CDH12: variants seen among roughly 807,000 people sequenced by gnomAD.
CDH12 encodes cadherin 12, also known as cadherin-12.
A neutral mutation model predicts 74.1 loss-of-function variants in CDH12; 41 were observed. The observed-to-expected ratio is 0.55, with a 90% CI of 0.43 to 0.72. CDH12 has a LOEUF of 0.72. Ranked by LOEUF, CDH12 falls within the 30% of genes least tolerant of loss-of-function variation. The pLI, the probability that CDH12 is intolerant of heterozygous loss-of-function variation, is 0.00. For missense variants in CDH12, 945 were observed against 977.2 expected, an observed-to-expected ratio of 0.97 and a Z score of 0.44; for synonymous variants, 399 against 355.0, an observed-to-expected ratio of 1.12 and a Z score of -1.39.
At chr5:22,641,141 G>A (rs1193867703) in intron 1 of CDH12, among the ~76,000 whole-genome samples, 1 of 152,156 alleles carries the variant, frequency 6.6e-6, no homozygotes, top group Non-Finnish European at 1.5e-5. Context: ...TATGGAGGCT[G>A]AGAAGTCCTA....
chr5:21,887,419 C>A (rs1482234680), intron 6 of CDH12, among the ~76,000 whole-genome samples: 1 of 152,092 alleles, frequency 6.6e-6, no homozygotes, highest in Non-Finnish European at 1.5e-5. Flanking sequence ...TTAATTCTGT[C>A]TCCAAATGAA....
intron 13 of CDH12, among the ~76,000 whole-genome samples, chr5:21,756,816 T>C (rs150269331): frequency 6.6e-5 from 10 of 152,302 alleles, no homozygotes; most frequent in Admixed American, 2.6e-4. Flanking sequence ...CACAAATATG[T>C]TACTATTTCA....
intron 1 of CDH12, among the ~76,000 whole-genome samples, chr5:22,815,177 T>C (rs1267369287): frequency 6.6e-6 from 1 of 152,084 alleles, no homozygotes; most frequent in Non-Finnish European, 1.5e-5. Context: ...GGGGACAAGA[T>C]GTAACTCACC....
chr5:22,482,802 C>T (rs1746435247), intron 2 of CDH12, among the ~76,000 whole-genome samples: 1 of 152,096 alleles, frequency 6.6e-6, no homozygotes, highest in Non-Finnish European at 1.5e-5. Flanking sequence ...ATGATTGTGT[C>T]GGGGATTTTC....
intron 1 of CDH12, among the ~76,000 whole-genome samples, chr5:22,637,093 T>G (rs185225571): frequency 1.3e-5 from 2 of 152,362 alleles, no homozygotes; most frequent in Non-Finnish European, 2.9e-5. Context: ...AATGCTACTC[T>G]GACAGGCAGA....
At chr5:22,626,425 A>G (rs534941899) in intron 1 of CDH12, among the ~76,000 whole-genome samples, 2 of 152,266 alleles carry the variant, frequency 1.3e-5, no homozygotes, top group Admixed American at 1.3e-4. Flanking sequence ...TAGGGAATAA[A>G]GCTGGGGCCT....
At chr5:22,794,420 T>A (rs1487066935) in intron 1 of CDH12, among the ~76,000 whole-genome samples, 1 of 152,196 alleles carries the variant, frequency 6.6e-6, no homozygotes, top group Non-Finnish European at 1.5e-5. Context: ...GTGCTTTGTG[T>A]CATGTGACCT....
intron 5 of CDH12, among the ~76,000 whole-genome samples, chr5:22,013,166 G>A (rs1369429200): frequency 6.6e-6 from 1 of 152,144 alleles, no homozygotes; most frequent in Non-Finnish European, 1.5e-5. Context: ...ACGCATGGCT[G>A]GGGAGACCTC....
intron 3 of CDH12, among the ~76,000 whole-genome samples, chr5:22,395,200 A>G (rs1742405065): frequency 1.3e-5 from 2 of 152,298 alleles, no homozygotes; most frequent in Admixed American, 1.3e-4. Context: ...TCTTTGAGTC[A>G]GACAAAAGAG....
intron 1 of CDH12, among the ~76,000 whole-genome samples, chr5:22,655,219 A>T (rs1189168046): frequency 6.6e-6 from 1 of 152,154 alleles, no homozygotes; most frequent in Non-Finnish European, 1.5e-5. Context: ...GGACTGACTC[A>T]ATATTATCTC....
In CDH12 at chr5:21,767,582, C is replaced by T. The variant is rs191267620; in HGVS notation, c.1394-2483G>A. On this transcript the variant is annotated intron_variant, in intron 11 of 14. Coordinates refer to ENST00000382254, the MANE Select transcript of CDH12 (RefSeq NM_004061.5). ...ATATCCTACAGATATTTAGAAATAT[C>T]TAATTTAGAAATATCTAAATTTCCT... is the stretch of plus-strand genomic sequence containing the variant. Among the ~76,000 whole-genome samples, 939 of 151,530 alleles carry T rather than the reference C, an allele frequency of 6.2e-3. 4 individuals carry two copies. The highest frequency in any genetic ancestry group is 8.2e-3 in the Non-Finnish European group (552 of 67,604).
intron 5 of CDH12, among the ~76,000 whole-genome samples, chr5:22,048,556 G>A (rs545432635): frequency 3.5e-4 from 53 of 152,066 alleles, no homozygotes; most frequent in Non-Finnish European, 6.8e-4. Context: ...AAGGTAAAAT[G>A]ACTGATATAT....
At chr5:22,030,905 C>T (rs114911500) in intron 5 of CDH12, among the ~76,000 whole-genome samples, 2,726 of 152,262 alleles carry the variant, frequency 0.018, 41 homozygotes, top group African/African-American at 0.04. Flanking sequence ...TATGTGATGG[C>T]GATTACTTAC....
chr5:22,386,873 G>A (rs888027528), intron 3 of CDH12, among the ~76,000 whole-genome samples: 1 of 151,832 alleles, frequency 6.6e-6, no homozygotes, highest in South Asian at 2.1e-4. Context: ...TTTTAAAAAA[G>A]CAAATTTGAG....
chr5:21,942,347 T>TATATATACAC (rs1225173229), intron 6 of CDH12, among the ~76,000 whole-genome samples: 1 of 129,676 alleles, frequency 7.7e-6, no homozygotes, highest in African/African-American at 3.2e-5. Context: ...TATATATATA[T>TATATATACAC]ACACACACAC....
At chr5:21,841,315 C>T (rs1234502669) in intron 8 of CDH12, among the ~76,000 whole-genome samples, 1 of 152,134 alleles carries the variant, frequency 6.6e-6, no homozygotes, top group African/African-American at 2.4e-5. Context: ...GAGATATCGT[C>T]TCACACCAGT....
intron 4 of CDH12, among the ~76,000 whole-genome samples, chr5:22,131,190 G>C (rs1280977554): frequency 6.6e-6 from 1 of 152,020 alleles, no homozygotes; most frequent in Non-Finnish European, 1.5e-5. Context: ...CTAACTGTCA[G>C]CTTCTATATA....
chr5:22,138,845 A>G (rs1382445459), intron 4 of CDH12, among the ~76,000 whole-genome samples: 1 of 76,552 alleles, frequency 1.3e-5, no homozygotes, highest in Non-Finnish European at 2.7e-5. Flanking sequence ...ATATATACGT[A>G]ATATATATAT....
chr5:21,884,845 G>C (rs1380324089), intron 6 of CDH12, among the ~76,000 whole-genome samples: 1 of 152,152 alleles, frequency 6.6e-6, no homozygotes, highest in Non-Finnish European at 1.5e-5. Flanking sequence ...TGAAACTACT[G>C]TATGGGGTAA....
Sources: allele counts gnomAD v4.1 joint callset (sites outside exome capture counted in the v4.1 genomes callset), GRCh38; gene constraint gnomAD v4.1.1; transcripts MANE v1.5; gene names NCBI Gene and HGNC (gene_info 2026-07-23, HGNC 2026-07-21).